The following CSPP1 variants were observed in gnomAD, a reference collection of about 807,000 sequenced individuals.
CSPP1 encodes the protein centrosome and spindle pole associated protein 1.
Under a neutral mutation model 164.4 loss-of-function variants are expected in CSPP1, and 126 were observed. That is an observed-to-expected ratio of 0.77 (90% confidence interval 0.66 to 0.89). The LOEUF (loss-of-function observed/expected upper bound fraction) is 0.89, where lower values mean the gene tolerates loss of function less well. Ranked by LOEUF, CSPP1 falls within the 40% of genes least tolerant of loss-of-function variation. The pLI is 0.00. For synonymous variants in CSPP1, 472 were observed against 476.7 expected (o/e 0.99, Z 0.13); for missense variants, 1,395 against 1,449.8 (o/e 0.96, Z 0.61).
chr8:67,066,185 A>G (rs1319438196), intron 1 of CSPP1, among the ~76,000 whole-genome samples: 1 of 152,114 alleles, frequency 6.6e-6, no homozygotes, highest in Admixed American at 6.5e-5. Context: ...CTCTCTTTGT[A>G]TCCTGTCTCC....
chr8:67,166,962 A>T (rs1035366667), intron 24 of CSPP1, among the ~76,000 whole-genome samples: 1 of 152,186 alleles, frequency 6.6e-6, no homozygotes, highest in Non-Finnish European at 1.5e-5. Flanking sequence ...TCTGTTTAAC[A>T]AAGCACATCT....
Position 67,137,453 on chromosome 8 carries a change from A to G in CSPP1, c.1828-3A>G. On this transcript the variant is annotated splice_region_variant and splice_polypyrimidine_tract_variant and intron_variant, in intron 16 of 30. Coordinates refer to ENST00000678616, the MANE Select transcript of CSPP1 (RefSeq NM_001382391.1). ...TATTTTAAATATATCTTATGTTGTC[A>G]AGATTCGGGAAAGAGAAGAAAGAAG... 1 of 1,494,520 alleles carries G rather than the reference A, an allele frequency of 6.7e-7. No individual in the cohort carries two copies. Among genetic ancestry groups the G allele is most frequent in the Non-Finnish European group, 9.1e-7 (1 of 1,102,962 alleles). 92.6% of individuals were successfully genotyped at this position (1,494,520 alleles called of 1,614,324 possible). A position where few individuals can be genotyped will look rare whatever the true frequency, so the allele number is the denominator to read the frequency against.
intron 4 of CSPP1, among the ~76,000 whole-genome samples, chr8:67,087,538 G>A (rs184582155): frequency 1.3e-5 from 2 of 152,250 alleles, no homozygotes; most frequent in Non-Finnish European, 2.9e-5. Flanking sequence ...TATTTTGTGA[G>A]GCAATCTAGA....
intron 19 of CSPP1, 111 bp from the exon 20 acceptor site, chr8:67,158,336 A>T: frequency 8.4e-7 from 1 of 1,195,150 alleles, no homozygotes; most frequent in Non-Finnish European, 1.1e-6. Flanking sequence ...ATTTAGGAAC[A>T]TGCAAAAAGA....
At chr8:67,192,100 T>G (rs1303573908) in intron 29 of CSPP1, among the ~76,000 whole-genome samples, 4 of 147,780 alleles carry the variant, frequency 2.7e-5, no homozygotes, top group Non-Finnish European at 5.9e-5. Flanking sequence ...TGATACAGAG[T>G]CCTGCTCTGT....
chr8:67,096,560 G>A (rs1336243995), intron 7 of CSPP1, among the ~76,000 whole-genome samples: 1 of 148,450 alleles, frequency 6.7e-6, no homozygotes, highest in Non-Finnish European at 1.5e-5. Context: ...GTGAGACTCT[G>A]TCTCCAAAAA....
At chr8:67,073,535 C>T (rs952727974) in intron 1 of CSPP1, among the ~76,000 whole-genome samples, 3 of 151,786 alleles carry the variant, frequency 2.0e-5, no homozygotes, top group Middle Eastern at 3.4e-3. Flanking sequence ...GATGGGATCC[C>T]GAATTAGAAA....
rs1489643509 is a variant in CSPP1 at position 67,195,794 on chromosome 8, AG to A, written c.*202del. ...ATTGATTTATATAATAGAATTGTAT[AG>A]ATTATTTTTGCACAGTTTTGTCATA... On this transcript the variant is annotated 3_prime_UTR_variant, in exon 31 of 31. Transcript: ENST00000678616. The A allele has an allele frequency of 9.2e-6, 5 of 542,334 alleles. No homozygotes were observed. The highest frequency in any genetic ancestry group is 2.4e-5 in the South Asian group (1 of 40,972). The allele number at this position is 542,334 out of a possible 1,614,324, so 33.6% of individuals were successfully genotyped here. A position where few individuals can be genotyped will look rare whatever the true frequency, so the allele number is the denominator to read the frequency against.
chr8:67,106,754 T>G (rs1159631402), intron 9 of CSPP1, among the ~76,000 whole-genome samples: 3 of 152,204 alleles, frequency 2.0e-5, no homozygotes, highest in Non-Finnish European at 4.4e-5. Context: ...AAAAATGAAC[T>G]GAAATTTGGT....
At position 67,158,301 on chromosome 8, in the gene CSPP1, C is replaced by T. The variant is rs563585315; in HGVS notation, c.2242-146C>T. The T allele has an allele frequency of 8.8e-6, 7 of 792,440 alleles. No individual in the cohort carries two copies. The South Asian group carries it at 1.6e-4, about 18-fold the overall frequency. 49.1% of individuals were successfully genotyped at this position (792,440 alleles called of 1,614,324 possible). On this transcript the variant is annotated intron_variant, in intron 19 of 30. Transcript: ENST00000678616. ...AACAGTACAGTAAATCATGTAGCCT[C>T]CCTGAAAATACAGGAGACTGAAAAA...
At position 67,112,054 on chromosome 8, in the gene CSPP1, G is replaced by A. The variant is rs988903441; in HGVS notation, c.1176G>A (p.Arg392=). Residue 392 remains arginine, a synonymous_variant, in exon 10 of 31, where the codon AGG becomes AGA. Transcript: ENST00000678616. ...ELLEQMAEQQ[R]NKRREKDLEL... is the part of the protein sequence containing the mutation. ...TGGAACAAATGGCTGAGCAACAGAG[G>A]AACAAGAGACGGTAATGAAAGGTTT... 1 of 1,609,164 alleles carries A rather than the reference G, an allele frequency of 6.2e-7. No individual in the cohort carries two copies. The highest frequency in any genetic ancestry group is 8.5e-7 in the Non-Finnish European group (1 of 1,176,642).
At chr8:67,087,390 T>C (rs1201179756) in intron 4 of CSPP1, among the ~76,000 whole-genome samples, 4 of 152,226 alleles carry the variant, frequency 2.6e-5, no homozygotes, top group Admixed American at 6.5e-5. Context: ...TAAACACTTA[T>C]TATGAAGATA....
chr8:67,108,421 TAAGTC>T (rs1346430232), intron 9 of CSPP1, among the ~76,000 whole-genome samples: 2 of 151,682 alleles, frequency 1.3e-5, no homozygotes, highest in African/African-American at 2.4e-5. Flanking sequence ...AAAAAAGAGT[TAAGTC>T]AAGTTGGTTC....
At chr8:67,154,389 G>A (rs992301569) in intron 19 of CSPP1, among the ~76,000 whole-genome samples, 22 of 150,992 alleles carry the variant, frequency 1.5e-4, no homozygotes, top group African/African-American at 4.4e-4. Context: ...TTTTTGAGAC[G>A]GAGTCTTGCT....
chr8:67,147,661 CT>C, intron 17 of CSPP1, among the ~76,000 whole-genome samples: 2 of 152,038 alleles, frequency 1.3e-5, no homozygotes, highest in East Asian at 3.9e-4. Context: ...TTGACAGTTC[CT>C]TTTTTTCTCT....
chr8:67,070,627 C>T (rs1405914280), intron 1 of CSPP1, among the ~76,000 whole-genome samples: 3 of 151,498 alleles, frequency 2.0e-5, no homozygotes, highest in African/African-American at 7.3e-5. Context: ...AGAGCGAGAC[C>T]TCATCTCTAA....
chr8:67,099,859 A>G (rs921803631), intron 7 of CSPP1, among the ~76,000 whole-genome samples: 2 of 152,144 alleles, frequency 1.3e-5, no homozygotes, highest in African/African-American at 4.8e-5. Flanking sequence ...TTACCAAACT[A>G]TAGTTTGTCT....
intron 3 of CSPP1, among the ~76,000 whole-genome samples, chr8:67,078,624 G>A (rs1808464847): frequency 6.6e-6 from 1 of 151,896 alleles, no homozygotes; most frequent in African/African-American, 2.4e-5. Context: ...GCCTCCCAAA[G>A]TTCTGGGATT....
chr8:67,137,350 AT>A (rs1178353843), intron 16 of CSPP1, 105 bp from the exon 17 acceptor site: 32 of 922,924 alleles, frequency 3.5e-5, no homozygotes, highest in Non-Finnish European at 4.4e-5. Context: ...AAAAAAGCAA[AT>A]TTTTTTGCTT....
Sources: allele counts gnomAD v4.1 joint callset (sites outside exome capture counted in the v4.1 genomes callset), GRCh38; gene constraint gnomAD v4.1.1; transcripts MANE v1.5; gene names NCBI Gene and HGNC (gene_info 2026-07-23, HGNC 2026-07-21).